The following PRR16 variants were observed in gnomAD, a reference collection of about 807,000 sequenced individuals.
PRR16 encodes proline rich 16.
A neutral mutation model predicts 18.2 loss-of-function variants in PRR16; 6 were observed. The ratio of observed to expected loss-of-function variants is 0.33; its 90% CI spans 0.18 to 0.65. The LOEUF (loss-of-function observed/expected upper bound fraction) is 0.65. Among genes scored for constraint, PRR16 ranks in the 30% least tolerant of loss-of-function variants. The probability of loss-of-function intolerance (pLI) is 0.74; values close to 1 mark genes in which losing one functional copy is unlikely to be tolerated. For missense variants in PRR16, 412 were observed against 376.6 expected, an observed-to-expected ratio of 1.09 and a Z score of -0.78; for synonymous variants, 151 against 147.8, an observed-to-expected ratio of 1.02 and a Z score of -0.16.
At chr5:120,566,961 C>A (rs1047998571) in intron 1 of PRR16, among the ~76,000 whole-genome samples, 3 of 151,840 alleles carry the variant, frequency 2.0e-5, no homozygotes, top group African/African-American at 7.3e-5. Context: ...TCATGAAATT[C>A]TGTTAATTTT....
At chr5:120,723,703 T>G in the PRR16 span, among the ~76,000 whole-genome samples, 1 of 151,984 alleles carries the variant, frequency 6.6e-6, no homozygotes, top group Non-Finnish European at 1.5e-5. Flanking sequence ...GACTAGTAAA[T>G]TTCCTGTGCT....
chr5:120,497,800 C>A (rs1287297021), intron 1 of PRR16, among the ~76,000 whole-genome samples: 2 of 151,400 alleles, frequency 1.3e-5, no homozygotes, highest in Non-Finnish European at 2.9e-5. Flanking sequence ...TTAATATTAT[C>A]ATATACATAA....
chr5:120,550,825 C>A (rs1752231117), intron 1 of PRR16, among the ~76,000 whole-genome samples: 1 of 151,984 alleles, frequency 6.6e-6, no homozygotes, highest in African/African-American at 2.4e-5. Flanking sequence ...CAGAAATTGG[C>A]AGATGCCTGA....
intron 1 of PRR16, among the ~76,000 whole-genome samples, chr5:120,565,311 TA>T (rs1294430617): frequency 6.6e-6 from 1 of 152,104 alleles, no homozygotes; most frequent in Non-Finnish European, 1.5e-5. Flanking sequence ...GTTAACTGCA[TA>T]AAAAAGAATT....
downstream of PRR16, among the ~76,000 whole-genome samples, chr5:120,688,805 A>C (rs540301300): frequency 6.6e-6 from 1 of 152,322 alleles, no homozygotes; most frequent in African/African-American, 2.4e-5. Context: ...CCTACAGAAC[A>C]GATAATTTCC....
the PRR16 span, among the ~76,000 whole-genome samples, chr5:120,694,017 A>G: frequency 4.6e-5 from 7 of 152,296 alleles, no homozygotes; most frequent in Admixed American, 2.6e-4. Flanking sequence ...TTTCCTAACA[A>G]TTTCGCCTGT....
chr5:120,593,114 C>G (rs1753690625), intron 1 of PRR16, among the ~76,000 whole-genome samples: 1 of 151,634 alleles, frequency 6.6e-6, no homozygotes, highest in South Asian at 2.1e-4. Context: ...ACTAGAGAAG[C>G]AAGAGCAAAG....
intron 1 of PRR16, among the ~76,000 whole-genome samples, chr5:120,520,165 G>T (rs1161734323): frequency 6.6e-6 from 1 of 152,138 alleles, no homozygotes; most frequent in Non-Finnish European, 1.5e-5. Flanking sequence ...GGAGGCCAAG[G>T]CGGGTGGATC....
the PRR16 span, among the ~76,000 whole-genome samples, chr5:120,695,922 T>C: frequency 1.8e-5 from 1 of 56,084 alleles, no homozygotes; most frequent in Non-Finnish European, 3.4e-5. Flanking sequence ...TATTCCAACA[T>C]ATATATGTGT....
chr5:120,585,752 A>G (rs1753420398), intron 1 of PRR16, among the ~76,000 whole-genome samples: 1 of 151,880 alleles, frequency 6.6e-6, no homozygotes, highest in Non-Finnish European at 1.5e-5. Flanking sequence ...TCAATACTTC[A>G]AGTTAGCATT....
intron 1 of PRR16, among the ~76,000 whole-genome samples, chr5:120,542,897 TAC>T (rs1751959851): frequency 1.3e-5 from 2 of 152,288 alleles, no homozygotes; most frequent in African/African-American, 2.4e-5. Context: ...ATAGAAATAA[TAC>T]AGTCATTAAC....
intron 1 of PRR16, among the ~76,000 whole-genome samples, chr5:120,531,747 A>T (rs1284415104): frequency 1.3e-5 from 2 of 152,118 alleles, no homozygotes; most frequent in Non-Finnish European, 2.9e-5. Flanking sequence ...CACAAGCAAA[A>T]ATCACAGAAA....
intron 1 of PRR16, among the ~76,000 whole-genome samples, chr5:120,507,015 T>C (rs897461863): frequency 6.6e-6 from 1 of 152,132 alleles, no homozygotes; most frequent in African/African-American, 2.4e-5. Context: ...TAATGTCTAC[T>C]GCTCCATTCA....
chr5:120,791,618 TCTATCCATC>T, the PRR16 span, among the ~76,000 whole-genome samples: 433 of 149,570 alleles, frequency 2.9e-3, 1 homozygote, highest in African/African-American at 9.8e-3. Flanking sequence ...TATCTATCTA[TCTATCCATC>T]CATCTATCAT....
At chr5:120,754,191 T>C in the PRR16 span, among the ~76,000 whole-genome samples, 1 of 100,890 alleles carries the variant, frequency 9.9e-6, no homozygotes, top group Non-Finnish European at 1.9e-5. Context: ...ATATAATATA[T>C]AATTATATAT....
intron 1 of PRR16, among the ~76,000 whole-genome samples, chr5:120,594,767 C>T (rs1435938549): frequency 1.3e-5 from 2 of 151,956 alleles, no homozygotes; most frequent in Non-Finnish European, 2.9e-5. Context: ...GACAGGTAGA[C>T]CAATGGAACA....
At chr5:120,698,730 A>T in the PRR16 span, among the ~76,000 whole-genome samples, 1 of 152,106 alleles carries the variant, frequency 6.6e-6, no homozygotes, top group Non-Finnish European at 1.5e-5. Context: ...CTGAGATGCG[A>T]AAGTGGTAAA....
chr5:120,585,336 A>G (rs895330458), intron 1 of PRR16, among the ~76,000 whole-genome samples: 4 of 152,202 alleles, frequency 2.6e-5, no homozygotes, highest in Non-Finnish European at 5.9e-5. Context: ...TCAGCTGGGC[A>G]TGGTGGCTCA....
At chr5:120,489,653 T>C (rs529760227) in intron 1 of PRR16, among the ~76,000 whole-genome samples, 15 of 152,314 alleles carry the variant, frequency 9.8e-5, no homozygotes, top group Admixed American at 3.3e-4. Context: ...CCCATTTACA[T>C]TTAAGGTTAA....
Sources: gnomAD v4.1 joint callset for allele counts (sites outside exome capture counted in the v4.1 genomes callset) on GRCh38, gnomAD v4.1.1 for gene constraint, MANE v1.5 for transcripts, NCBI Gene and HGNC (gene_info 2026-07-23, HGNC 2026-07-21) for gene names.